BANK1: variants seen among roughly 807,000 people sequenced by gnomAD.
BANK1 encodes B-cell scaffold protein with ankyrin repeats.
BANK1 carries 95 observed loss-of-function variants against 94.5 expected under a neutral mutation model. That is an observed-to-expected ratio of 1.00 (90% confidence interval 0.85 to 1.19). BANK1 has a LOEUF of 1.19. Among genes scored for constraint, BANK1 ranks in the 50% most tolerant of loss-of-function variants. The probability of loss-of-function intolerance (pLI) is 0.00; values close to 1 mark genes in which losing one functional copy is unlikely to be tolerated. For synonymous variants in BANK1, 334 were observed against 308.4 expected (o/e 1.08, Z -0.87); for missense variants, 987 against 932.2 (o/e 1.06, Z -0.77).
chr4:101,896,803 T>A (rs978185704), intron 6 of BANK1, among the ~76,000 whole-genome samples: 4 of 151,868 alleles, frequency 2.6e-5, no homozygotes, highest in Non-Finnish European at 4.4e-5. Context: ...TTTTTCAAGA[T>A]GTGCTTCAAA....
At chr4:101,910,496 A>T (rs901945255) in intron 6 of BANK1, among the ~76,000 whole-genome samples, 2 of 152,030 alleles carry the variant, frequency 1.3e-5, no homozygotes, top group African/African-American at 2.4e-5. Flanking sequence ...AGCCTGACCA[A>T]CATGGAGAAA....
At chr4:101,966,817 C>G (rs897638317) in intron 7 of BANK1, among the ~76,000 whole-genome samples, 1 of 152,046 alleles carries the variant, frequency 6.6e-6, no homozygotes, top group African/African-American at 2.4e-5. Context: ...AGCAGCATAT[C>G]TTAGCCTAAT....
intron 11 of BANK1, among the ~76,000 whole-genome samples, chr4:102,059,280 A>T (rs1217526595): frequency 1.3e-5 from 2 of 151,970 alleles, no homozygotes; most frequent in Non-Finnish European, 2.9e-5. Flanking sequence ...CTCCTTTCAG[A>T]CTCTGTGGGC....
chr4:102,054,337 C>G (rs1411413780), intron 11 of BANK1, among the ~76,000 whole-genome samples: 1 of 152,074 alleles, frequency 6.6e-6, no homozygotes, highest in Non-Finnish European at 1.5e-5. Context: ...TTAACAGAAG[C>G]CTGAAACACG....
intron 7 of BANK1, among the ~76,000 whole-genome samples, chr4:102,005,223 G>A (rs965680646): frequency 1.3e-5 from 2 of 152,000 alleles, no homozygotes; most frequent in Non-Finnish European, 2.9e-5. Flanking sequence ...AGAGGCTTTT[G>A]TATAAGAATT....
chr4:101,972,758 A>G (rs1198920728), intron 7 of BANK1: 1 of 152,132 alleles, frequency 6.6e-6, no homozygotes, highest in Admixed American at 6.6e-5. Context: ...TACAGAGGCA[A>G]TAGAACTTAA....
At chr4:102,049,201 C>A (rs1578479018) in intron 11 of BANK1, among the ~76,000 whole-genome samples, 1 of 152,036 alleles carries the variant, frequency 6.6e-6, no homozygotes, top group Non-Finnish European at 1.5e-5. Flanking sequence ...TTGGTCTCTG[C>A]CAGATAATAA....
intron 8 of BANK1, among the ~76,000 whole-genome samples, chr4:102,024,253 C>T (rs1380375096): frequency 6.6e-6 from 1 of 152,112 alleles, no homozygotes; most frequent in Admixed American, 6.5e-5. Flanking sequence ...CATTTTAATA[C>T]AGCAATATCT....
At chr4:101,821,497 T>C (rs1726145644) in intron 1 of BANK1, among the ~76,000 whole-genome samples, 1 of 152,212 alleles carries the variant, frequency 6.6e-6, no homozygotes. Flanking sequence ...CGATTGCTTT[T>C]GGTGTCTTTG....
chr4:101,873,033 A>C (rs558730061), intron 5 of BANK1, among the ~76,000 whole-genome samples: 33 of 152,062 alleles, frequency 2.2e-4, no homozygotes, highest in South Asian at 1.2e-3. Context: ...AGAAAAAAAA[A>C]CCCAGCATTT....
chr4:101,913,579 C>T (rs994806181), intron 6 of BANK1, among the ~76,000 whole-genome samples: 1 of 152,132 alleles, frequency 6.6e-6, no homozygotes, highest in Non-Finnish European at 1.5e-5. Context: ...TTCTCTCTGG[C>T]GATCCCTAGC....
Position 101,851,700 on chromosome 4 carries a change from G to T in BANK1, c.470-3335G>T, listed in dbSNP as rs371466760. On this transcript the variant is annotated intron_variant, in intron 2 of 16. Transcript: ENST00000322953. ...TAACCCTTGGAAAAAAATTGCTGGA[G>T]TTAGCCCTTCTCTTATCAGTTTTTC... Among the ~76,000 whole-genome samples the T allele has an allele frequency of 3.9e-5, 6 of 152,302 alleles. No individual in the cohort carries two copies. The South Asian group carries it at 1.2e-3, about 32-fold the overall frequency.
chr4:101,918,291 C>A, intron 7 of BANK1, 102 bp downstream of exon 7: 1 of 747,724 alleles, frequency 1.3e-6, no homozygotes, highest in South Asian at 4.4e-5. Flanking sequence ...TTCTTTAAGA[C>A]TCTAGTTAAG....
intron 4 of BANK1, among the ~76,000 whole-genome samples, 154 bp downstream of exon 4, chr4:101,862,818 A>G (rs1186317385): frequency 6.6e-6 from 1 of 152,066 alleles, no homozygotes; most frequent in Non-Finnish European, 1.5e-5. Context: ...TGTTATTATT[A>G]ATCTGGATTT....
chr4:101,960,689 G>A (rs540139286), intron 7 of BANK1, among the ~76,000 whole-genome samples: 3 of 152,078 alleles, frequency 2.0e-5, no homozygotes, highest in Admixed American at 6.6e-5. Context: ...TCGTTGTTTC[G>A]TCTTGCTTTG....
intron 6 of BANK1, among the ~76,000 whole-genome samples, chr4:101,913,423 T>C (rs1722731478): frequency 6.6e-6 from 1 of 152,222 alleles, no homozygotes; most frequent in Non-Finnish European, 1.5e-5. Flanking sequence ...TTTAATTTTA[T>C]TTGATGTCAA....
At chr4:101,988,076 G>A (rs1725576601) in intron 7 of BANK1, among the ~76,000 whole-genome samples, 1 of 152,164 alleles carries the variant, frequency 6.6e-6, no homozygotes, top group Non-Finnish European at 1.5e-5. Flanking sequence ...TACTTCTTGA[G>A]TTAAGCCCCT....
intron 7 of BANK1, 78 bp from the exon 8 acceptor site, chr4:102,021,436 C>T (rs1560691356): frequency 1.9e-6 from 1 of 530,634 alleles, no homozygotes. Context: ...AAAACAAAAA[C>T]TATTTCTTAT....
intron 1 of BANK1, among the ~76,000 whole-genome samples, chr4:101,821,040 T>C (rs570882530): frequency 1.4e-4 from 22 of 152,332 alleles, no homozygotes; most frequent in African/African-American, 5.3e-4. Flanking sequence ...CATTCCACAG[T>C]GGTTGAACTA....
Sources: allele counts gnomAD v4.1 joint callset (sites outside exome capture counted in the v4.1 genomes callset), GRCh38; gene constraint gnomAD v4.1.1; transcripts MANE v1.5; gene names NCBI Gene and HGNC (gene_info 2026-07-23, HGNC 2026-07-21).